RANBP17: variants seen among roughly 807,000 people sequenced by gnomAD.
RANBP17 encodes ran-binding protein 17.
A neutral mutation model predicts 141.2 loss-of-function variants in RANBP17; 158 were observed. The observed-to-expected ratio is 1.12, with a 90% CI of 0.98 to 1.28. The LOEUF is 1.28. Among genes scored for constraint, RANBP17 ranks in the 50% most tolerant of loss-of-function variants. RANBP17 has a pLI of 0.00. For synonymous variants in RANBP17, 430 were observed against 450.0 expected, an observed-to-expected ratio of 0.96 and a Z score of 0.56; for missense variants, 1,438 against 1,290.7, an observed-to-expected ratio of 1.11 and a Z score of -1.75.
chr5:171,223,168 A>G (rs1272029005), intron 22 of RANBP17, among the ~76,000 whole-genome samples: 2 of 152,216 alleles, frequency 1.3e-5, no homozygotes, highest in African/African-American at 2.4e-5. Flanking sequence ...TCCATTAAAA[A>G]TACTTCATTT....
intron 3 of RANBP17, among the ~76,000 whole-genome samples, chr5:170,891,578 T>G (rs7721780): frequency 0.6 from 91,471 of 152,016 alleles, 29,249 homozygotes; most frequent in South Asian, 0.9. Flanking sequence ...GGCTGTACGG[T>G]TAGCATGGCT....
intron 14 of RANBP17, among the ~76,000 whole-genome samples, chr5:171,103,630 C>G (rs551996385): frequency 1.3e-5 from 2 of 152,232 alleles, no homozygotes; most frequent in Admixed American, 1.3e-4. Flanking sequence ...CACTGGCGTT[C>G]CAGGTGCCAG....
intron 21 of RANBP17, among the ~76,000 whole-genome samples, chr5:171,214,312 TG>T (rs775659715): frequency 1.9e-4 from 29 of 152,330 alleles, no homozygotes; most frequent in Non-Finnish European, 3.5e-4. Context: ...TCTCTGAAAT[TG>T]CCCAGTTGAC....
chr5:171,150,215 C>T (rs1458225527), intron 14 of RANBP17, among the ~76,000 whole-genome samples: 2 of 151,838 alleles, frequency 1.3e-5, no homozygotes, highest in Non-Finnish European at 2.9e-5. Context: ...TTAGGGTATT[C>T]CCATTTAATC....
intron 14 of RANBP17, among the ~76,000 whole-genome samples, chr5:171,090,252 A>G (rs1786139788): frequency 6.6e-6 from 1 of 152,150 alleles, no homozygotes; most frequent in African/African-American, 2.4e-5. Context: ...GGAGATGAGG[A>G]ACTTGTTGGG....
At chr5:171,096,901 T>C (rs565466651) in intron 14 of RANBP17, among the ~76,000 whole-genome samples, 3 of 152,268 alleles carry the variant, frequency 2.0e-5, no homozygotes, top group Non-Finnish European at 1.5e-5. Context: ...ATTGTAAGTA[T>C]ATGGTAGAAC....
chr5:171,038,169 T>C (rs550697515), intron 14 of RANBP17, among the ~76,000 whole-genome samples: 1 of 148,450 alleles, frequency 6.7e-6, no homozygotes, highest in African/African-American at 2.6e-5. Context: ...GTATTGTGTG[T>C]GTGTGTGTGT....
chr5:170,935,507 G>C (rs1258380023), intron 12 of RANBP17, among the ~76,000 whole-genome samples: 2 of 152,144 alleles, frequency 1.3e-5, no homozygotes, highest in Non-Finnish European at 2.9e-5. Context: ...TGTCCTTTCT[G>C]TTTGTTAGTT....
intron 1 of RANBP17, among the ~76,000 whole-genome samples, chr5:170,862,281 G>C (rs958503419): frequency 1.3e-5 from 2 of 152,166 alleles, no homozygotes; most frequent in Non-Finnish European, 2.9e-5. Flanking sequence ...AGCCTGGGTT[G>C]GAGGCGGCGG....
chr5:171,115,110 A>G (rs1342315574), intron 14 of RANBP17, among the ~76,000 whole-genome samples: 1 of 152,134 alleles, frequency 6.6e-6, no homozygotes, highest in Non-Finnish European at 1.5e-5. Flanking sequence ...CTAAAACAAA[A>G]AAAAACAAAA....
intron 14 of RANBP17, among the ~76,000 whole-genome samples, chr5:171,063,306 C>T (rs1784044118): frequency 6.6e-6 from 1 of 152,132 alleles, no homozygotes; most frequent in African/African-American, 2.4e-5. Flanking sequence ...TACTTTTGGT[C>T]TTTGATGATG....
intron 14 of RANBP17, among the ~76,000 whole-genome samples, chr5:171,111,460 A>G (rs2127759612): frequency 6.6e-6 from 1 of 152,066 alleles, no homozygotes; most frequent in Non-Finnish European, 1.5e-5. Flanking sequence ...CTACCTCTTA[A>G]TGGGTTCCCC....
chr5:170,893,569 G>A (rs1361492006), intron 4 of RANBP17, among the ~76,000 whole-genome samples: 3 of 152,002 alleles, frequency 2.0e-5, no homozygotes, highest in South Asian at 2.1e-4. Context: ...CAAGGCGTGC[G>A]GATCATGAGG....
Position 170,968,382 on chromosome 5 carries a change from G to GTT in RANBP17, c.1710+7_1710+8dup. On this transcript the variant is annotated splice_donor_region_variant and intron_variant, in intron 14 of 27. Coordinates refer to ENST00000523189, the MANE Select transcript of RANBP17 (RefSeq NM_022897.5). ...CAACTTCAAAGAACCTCAAAGGTAG[G>GTT]TTTCTACTAGAGAGTTTAAAACATG... 1 of 1,602,488 alleles carries GTT rather than the reference G, an allele frequency of 6.2e-7. No homozygotes were observed. The highest frequency in any genetic ancestry group is 1.3e-5 in the African/African-American group (1 of 74,442).
intron 13 of RANBP17, among the ~76,000 whole-genome samples, chr5:170,959,343 A>G (rs930029094): frequency 6.6e-6 from 1 of 152,146 alleles, no homozygotes; most frequent in African/African-American, 2.4e-5. Flanking sequence ...ATCACACTTG[A>G]GACAAATTTC....
intron 25 of RANBP17, among the ~76,000 whole-genome samples, chr5:171,283,746 C>G (rs1012805553): frequency 1.3e-5 from 2 of 152,288 alleles, no homozygotes; most frequent in East Asian, 3.9e-4. Flanking sequence ...ACAGAGATAA[C>G]TATAAGCACA....
chr5:171,174,963 C>G (rs532730462), intron 16 of RANBP17, among the ~76,000 whole-genome samples: 4 of 151,966 alleles, frequency 2.6e-5, no homozygotes, highest in East Asian at 3.9e-4. Flanking sequence ...CCTTCACCCC[C>G]CTACAGGCCC....
intron 14 of RANBP17, among the ~76,000 whole-genome samples, chr5:171,124,283 T>G (rs1756262007): frequency 6.6e-6 from 1 of 151,608 alleles, no homozygotes; most frequent in South Asian, 2.1e-4. Context: ...GAAGACAGGT[T>G]GCTTGAAATT....
intron 14 of RANBP17, among the ~76,000 whole-genome samples, chr5:171,138,275 A>C (rs966774051): frequency 7.9e-5 from 12 of 152,174 alleles, no homozygotes; most frequent in African/African-American, 2.9e-4. Flanking sequence ...CTGAAGTGGA[A>C]AGACAACCAA....
Sources: gnomAD v4.1 joint callset for allele counts (sites outside exome capture counted in the v4.1 genomes callset) on GRCh38, gnomAD v4.1.1 for gene constraint, MANE v1.5 for transcripts, NCBI Gene and HGNC (gene_info 2026-07-23, HGNC 2026-07-21) for gene names.